OSBP2: variants seen among roughly 807,000 people sequenced by gnomAD.
The protein encoded by OSBP2 is oxysterol binding protein 2.
Under a neutral mutation model 96.0 loss-of-function variants are expected in OSBP2, and 66 were observed. That is an observed-to-expected ratio of 0.69 (90% confidence interval 0.56 to 0.84). The LOEUF is 0.84. Ranked by LOEUF, OSBP2 falls within the 40% of genes least tolerant of loss-of-function variation. The pLI is 0.00. For missense variants in OSBP2, 1,038 were observed against 1,222.7 expected, an observed-to-expected ratio of 0.85 and a Z score of 2.25; for synonymous variants, 525 against 520.9, an observed-to-expected ratio of 1.01 and a Z score of -0.11.
intron 2 of OSBP2, among the ~76,000 whole-genome samples, chr22:30,861,807 C>T (rs1360474715): frequency 6.6e-6 from 1 of 152,190 alleles, no homozygotes; most frequent in Non-Finnish European, 1.5e-5. Context: ...AGGGGCGCTG[C>T]TCCTGCTCCC....
intron 2 of OSBP2, among the ~76,000 whole-genome samples, chr22:30,818,094 C>T (rs995867389): frequency 2.0e-5 from 3 of 152,124 alleles, no homozygotes; most frequent in Admixed American, 6.6e-5. Context: ...GATGGAGTTT[C>T]GCCATGTTGC....
intron 2 of OSBP2, among the ~76,000 whole-genome samples, chr22:30,827,532 A>G (rs1179251733): frequency 1.3e-5 from 2 of 152,198 alleles, no homozygotes; most frequent in South Asian, 2.1e-4. Context: ...GATCCTTTCT[A>G]TCTCCTCCAG....
intron 2 of OSBP2, 149 bp downstream of exon 2, chr22:30,741,518 G>A (rs2089937010): frequency 1.6e-6 from 1 of 629,694 alleles, no homozygotes; most frequent in South Asian, 2.0e-5. Flanking sequence ...TGCATGTTCT[G>A]TGCATCGTCA....
chr22:30,905,007 A>G (rs569302852), intron 12 of OSBP2, among the ~76,000 whole-genome samples: 21 of 152,008 alleles, frequency 1.4e-4, no homozygotes, highest in Non-Finnish European at 2.8e-4. Context: ...GTGTGGGGGC[A>G]TGCCCTGAAA....
chr22:30,852,791 C>T (rs1240122717), intron 2 of OSBP2, among the ~76,000 whole-genome samples: 4 of 152,148 alleles, frequency 2.6e-5, no homozygotes, highest in Admixed American at 1.3e-4. Flanking sequence ...CCTCCAGGCA[C>T]TACCTTAGCT....
intron 12 of OSBP2, among the ~76,000 whole-genome samples, chr22:30,898,904 T>TA (rs1346292725): frequency 6.7e-5 from 10 of 149,960 alleles, no homozygotes; most frequent in Admixed American, 6.6e-5. Context: ...AGAAATCAAT[T>TA]AAAAAAACAA....
At chr22:30,891,018 G>T in intron 8 of OSBP2, 45 bp downstream of exon 8, 1 of 1,578,794 alleles carries the variant, frequency 6.3e-7, no homozygotes, top group South Asian at 1.1e-5. Context: ...CCCACACTCT[G>T]GCCAAGCTGT....
At chr22:30,872,283 C>T (rs989899250) in intron 3 of OSBP2, 4 of 456,546 alleles carry the variant, frequency 8.8e-6, no homozygotes, top group East Asian at 1.4e-4. Context: ...CATAATAATG[C>T]GTTTGTATTT....
intron 1 of OSBP2, among the ~76,000 whole-genome samples, chr22:30,730,760 CT>C (rs1158405237): frequency 2.4e-4 from 10 of 41,980 alleles, no homozygotes; most frequent in Admixed American, 3.3e-4. Context: ...CTCTCTCTCT[CT>C]CTCTCTCTCT....
chr22:30,702,795 T>G (rs1602142907), intron 1 of OSBP2, among the ~76,000 whole-genome samples: 1 of 152,360 alleles, frequency 6.6e-6, no homozygotes, highest in East Asian at 1.9e-4. Flanking sequence ...TGCAGATAAC[T>G]TTGTGTCAAG....
intron 12 of OSBP2, among the ~76,000 whole-genome samples, chr22:30,896,984 C>T (rs571240715): frequency 1.9e-4 from 29 of 152,162 alleles, no homozygotes; most frequent in African/African-American, 6.7e-4. Flanking sequence ...CCCAGACCTT[C>T]TAAGAGGTTC....
At chr22:30,830,511 C>T (rs1040622224) in intron 2 of OSBP2, among the ~76,000 whole-genome samples, 3 of 152,212 alleles carry the variant, frequency 2.0e-5, no homozygotes, top group Non-Finnish European at 2.9e-5. Flanking sequence ...ATCCCTCCAC[C>T]GCGGATATTT....
In OSBP2 at chr22:30,751,302, C is replaced by T. The variant is rs533875282; in HGVS notation, c.853+9933C>T. On this transcript the variant is annotated intron_variant, in intron 2 of 13. Transcript: ENST00000332585. ...CTCATATTTGGCTCAGAATAAATCT[C>T]TTCAAATATGTATGTGTTGTGTGTG... Among the ~76,000 whole-genome samples the T allele has an allele frequency of 4.6e-5, 7 of 152,086 alleles. No individual in the cohort carries two copies. The East Asian group carries it at 1.4e-3, about 29-fold the overall frequency.
At chr22:30,774,942 T>A (rs1192539051) in intron 2 of OSBP2, among the ~76,000 whole-genome samples, 1 of 152,246 alleles carries the variant, frequency 6.6e-6, no homozygotes, top group African/African-American at 2.4e-5. Flanking sequence ...CATGTAGATA[T>A]ACACGTATAT....
chr22:30,889,838 T>G (rs2039904000), intron 7 of OSBP2, among the ~76,000 whole-genome samples: 2 of 152,222 alleles, frequency 1.3e-5, no homozygotes, highest in African/African-American at 4.8e-5. Context: ...CTTTGGGCTC[T>G]GACAGGAGGA....
chr22:30,822,110 G>C lies in OSBP2; in HGVS notation c.854-48319G>C, dbSNP rs143709101. ...ACACAGGTGCACCAGCCACGGCAGC[G>C]GGGTCAGAAGATGAGAGGGTCTCAG... On this transcript the variant is annotated intron_variant, in intron 2 of 13. Transcript: ENST00000332585. Among the ~76,000 whole-genome samples the C allele has an allele frequency of 2.7e-3, 412 of 152,326 alleles. 3 individuals are homozygous for C. Among genetic ancestry groups the C allele is most frequent in the African/African-American group, 9.5e-3 (397 of 41,572 alleles).
intron 2 of OSBP2, among the ~76,000 whole-genome samples, chr22:30,847,497 G>T (rs1298348642): frequency 2.0e-5 from 3 of 152,032 alleles, no homozygotes; most frequent in Admixed American, 2.0e-4. Context: ...GGCCAGGCTG[G>T]TCTCGAACTC....
At chr22:30,900,592 C>T (rs2040173527) in intron 12 of OSBP2, among the ~76,000 whole-genome samples, 1 of 152,052 alleles carries the variant, frequency 6.6e-6, no homozygotes, top group Non-Finnish European at 1.5e-5. Flanking sequence ...TTTTGAAACT[C>T]TAATGGAACA....
intron 3 of OSBP2, among the ~76,000 whole-genome samples, chr22:30,878,297 C>A (rs897880481): frequency 6.6e-6 from 1 of 152,234 alleles, no homozygotes. Flanking sequence ...ATGCGCTATC[C>A]GCGAGGCAGG....
Sources: gnomAD v4.1 joint callset for allele counts (sites outside exome capture counted in the v4.1 genomes callset) on GRCh38, gnomAD v4.1.1 for gene constraint, MANE v1.5 for transcripts, NCBI Gene and HGNC (gene_info 2026-07-23, HGNC 2026-07-21) for gene names.